Variants in NFASC observed in about 807,000 individuals in gnomAD.
NFASC encodes the protein neurofascin homolog.
Under a neutral mutation model 147.5 loss-of-function variants are expected in NFASC, and 43 were observed. The observed-to-expected ratio is 0.29, with a 90% CI of 0.23 to 0.38. NFASC has a LOEUF of 0.38. NFASC is among the 10% of genes least tolerant of loss of function. NFASC has a pLI of 1.00. For synonymous variants in NFASC, 622 were observed against 665.5 expected, an observed-to-expected ratio of 0.93 and a Z score of 1.01; for missense variants, 1,320 against 1,689.0, an observed-to-expected ratio of 0.78 and a Z score of 3.83.
At chr1:204,869,871 C>T (rs1220331106) in intron 1 of NFASC, among the ~76,000 whole-genome samples, 1 of 152,142 alleles carries the variant, frequency 6.6e-6, no homozygotes, top group African/African-American at 2.4e-5. Flanking sequence ...TTTTTCTTAT[C>T]ATTATAAACA....
At chr1:204,897,752 G>C (rs529467618) in intron 1 of NFASC, among the ~76,000 whole-genome samples, 3 of 143,446 alleles carry the variant, frequency 2.1e-5, no homozygotes, top group Non-Finnish European at 4.6e-5. Flanking sequence ...TTTTTTTTGG[G>C]GGGGGCAGAG....
chr1:204,940,255 C>T (rs572532252), intron 2 of NFASC, among the ~76,000 whole-genome samples: 70 of 152,264 alleles, frequency 4.6e-4, no homozygotes, highest in African/African-American at 1.7e-3. Context: ...GAGTTTGAGA[C>T]CAGCCTGGGC....
At chr1:204,949,590 C>A (rs1186154527) in intron 3 of NFASC, among the ~76,000 whole-genome samples, 1 of 152,224 alleles carries the variant, frequency 6.6e-6, no homozygotes, top group Admixed American at 6.5e-5. Context: ...TTAACCAAGA[C>A]CTTGTCCCCA....
At chr1:204,859,747 T>A (rs1269234438) in intron 1 of NFASC, among the ~76,000 whole-genome samples, 1 of 152,238 alleles carries the variant, frequency 6.6e-6, no homozygotes, top group Non-Finnish European at 1.5e-5. Context: ...TAGTAAGGGA[T>A]CTGGGCCTAA....
chr1:204,914,920 C>T (rs949671022), intron 1 of NFASC, among the ~76,000 whole-genome samples: 1 of 152,178 alleles, frequency 6.6e-6, no homozygotes, highest in Admixed American at 6.5e-5. Context: ...AAATGTCTAT[C>T]AGTAGAGGAT....
At chr1:204,919,509 G>A (rs904869019) in intron 1 of NFASC, among the ~76,000 whole-genome samples, 5 of 152,182 alleles carry the variant, frequency 3.3e-5, no homozygotes, top group Admixed American at 3.3e-4. Context: ...TAGGTATATA[G>A]GATATATTTT....
intron 12 of NFASC, 124 bp from the exon 13 acceptor site, chr1:204,974,055 A>G: frequency 1.4e-6 from 1 of 696,368 alleles, no homozygotes; most frequent in Non-Finnish European, 2.5e-6. Flanking sequence ...GAAGGTTGAT[A>G]GGGGAAGGTG....
intron 1 of NFASC, among the ~76,000 whole-genome samples, chr1:204,864,862 T>C (rs2076987608): frequency 6.6e-6 from 1 of 152,232 alleles, no homozygotes; most frequent in African/African-American, 2.4e-5. Context: ...CCTTGGGATT[T>C]GCATCTGTTT....
intron 1 of NFASC, among the ~76,000 whole-genome samples, chr1:204,854,065 C>T (rs1198180410): frequency 2.6e-5 from 4 of 152,164 alleles, no homozygotes; most frequent in African/African-American, 7.2e-5. Flanking sequence ...CACTGACTGC[C>T]ACTAGGCTGC....
intron 3 of NFASC, among the ~76,000 whole-genome samples, chr1:204,949,942 T>C (rs2802836): frequency 0.17 from 26,445 of 152,204 alleles, 3,191 homozygotes; most frequent in African/African-American, 0.34. Context: ...AGCCTCCCAT[T>C]GAGAAGCATG....
intron 1 of NFASC, among the ~76,000 whole-genome samples, chr1:204,917,123 G>C (rs951819488): frequency 2.0e-5 from 3 of 152,146 alleles, no homozygotes; most frequent in Admixed American, 6.5e-5. Flanking sequence ...AGGCTGAAGT[G>C]GGAGGATCAC....
intron 5 of NFASC, among the ~76,000 whole-genome samples, chr1:204,952,454 CTT>C (rs761199495): frequency 6.8e-6 from 1 of 147,370 alleles, no homozygotes; most frequent in Non-Finnish European, 1.5e-5. Context: ...CAACTTGAGT[CTT>C]TCATTCTGAG....
chr1:204,968,778 C>T lies in NFASC; in HGVS notation c.819-20C>T. On this transcript the variant is annotated intron_variant, in intron 9 of 29. Transcript: ENST00000339876. The surrounding 1 kb of genome is among the most constrained non-coding windows in gnomAD (Gnocchi z 5.4). ...GCCACGTTTAGTGATAACTTGTTTCCTGCTTGGCGCCTCTCCTAGCCCAAC... is the reference window on the plus strand; with the variant it reads ...GCCACGTTTAGTGATAACTTGTTTCTTGCTTGGCGCCTCTCCTAGCCCAAC... The T allele has an allele frequency of 6.2e-7, 1 of 1,604,028 alleles. No individual in the cohort carries two copies. Among genetic ancestry groups the T allele is most frequent in the African/African-American group, 1.3e-5 (1 of 74,804 alleles).
rs762268792 is a variant in NFASC at position 205,015,814 on chromosome 1, T to C, written c.3492-494T>C. Among the ~76,000 whole-genome samples, 2 of 151,962 alleles carry C rather than the reference T, an allele frequency of 1.3e-5. No individual in the cohort carries two copies. Among genetic ancestry groups the C allele is most frequent in the Non-Finnish European group, 2.9e-5 (2 of 67,992 alleles). ...GAGAGGTTTGTTCCTTTAAAAGCCT[T>C]GCTTGTTGTCAAGGCGAGAGTGTTT... is the stretch of plus-strand genomic sequence containing the variant. On this transcript the variant is annotated intron_variant, in intron 29 of 29. Transcript: ENST00000339876. This position sits in a 1 kb window ranked among gnomAD's most constrained non-coding sequence, Gnocchi z 4.0.
chr1:204,904,022 A>C (rs957505947), intron 1 of NFASC, among the ~76,000 whole-genome samples: 4 of 152,188 alleles, frequency 2.6e-5, no homozygotes, highest in Non-Finnish European at 4.4e-5. Context: ...TTTGCCACTC[A>C]CTAGCTAAGA....
chr1:204,902,682 C>T (rs1414114060), intron 1 of NFASC, among the ~76,000 whole-genome samples: 1 of 152,118 alleles, frequency 6.6e-6, no homozygotes, highest in Non-Finnish European at 1.5e-5. Context: ...TTGAAGTTGG[C>T]TGATGTGCAA....
intron 1 of NFASC, among the ~76,000 whole-genome samples, chr1:204,875,354 A>T (rs1297512216): frequency 6.6e-6 from 1 of 152,100 alleles, no homozygotes; most frequent in Non-Finnish European, 1.5e-5. Flanking sequence ...CCACTGGTCT[A>T]ACCTCCAGGT....
chr1:204,887,474 G>A (rs1452064209), intron 1 of NFASC, among the ~76,000 whole-genome samples: 1 of 151,644 alleles, frequency 6.6e-6, no homozygotes. Context: ...TGTACAAACA[G>A]CTCTTCAAGT....
chr1:204,873,549 C>G (rs1163581163), intron 1 of NFASC, among the ~76,000 whole-genome samples: 1 of 152,194 alleles, frequency 6.6e-6, no homozygotes, highest in Non-Finnish European at 1.5e-5. Flanking sequence ...CTGCTGGGGC[C>G]TCTGTTCCTG....
Sources: gnomAD v4.1 joint callset for allele counts (sites outside exome capture counted in the v4.1 genomes callset) on GRCh38, gnomAD v4.1.1 for gene constraint, Gnocchi (gnomAD v3.1) non-coding constraint, MANE v1.5 for transcripts, NCBI Gene and HGNC (gene_info 2026-07-23, HGNC 2026-07-21) for gene names.